The following LRP6 variants were observed in gnomAD, a reference collection of about 807,000 sequenced individuals.
The protein encoded by LRP6 is low-density lipoprotein receptor-related protein 6.
Under a neutral mutation model 184.1 loss-of-function variants are expected in LRP6, and 43 were observed. That is an observed-to-expected ratio of 0.23 (90% CI 0.18 to 0.30). The LOEUF (loss-of-function observed/expected upper bound fraction) is 0.30, where lower values mean the gene tolerates loss of function less well. Ranked by LOEUF, LRP6 falls within the 10% of genes least tolerant of loss-of-function variation. The probability of loss-of-function intolerance (pLI) is 1.00; values close to 1 mark genes in which losing one functional copy is unlikely to be tolerated. For synonymous variants in LRP6, 719 were observed against 684.9 expected (o/e 1.05, Z -0.78); for missense variants, 1,571 against 2,005.3 (o/e 0.78, Z 4.14).
intron 2 of LRP6, among the ~76,000 whole-genome samples, chr12:12,218,256 T>C (rs1165475715): frequency 2.0e-5 from 3 of 152,104 alleles, no homozygotes; most frequent in East Asian, 1.9e-4. Flanking sequence ...GAGGACCACT[T>C]GAGTCCAGGA....
rs756654215 is a variant in LRP6, at chr12:12,186,999, C to G, written c.768G>C (p.Glu256Asp). The change falls in exon 4 of 23, where the codon GAG becomes GAC. Residue 256 changes from glutamate to aspartate, a missense_variant. Physicochemically the swap from Glu to Asp is conservative, Grantham distance 45 (BLOSUM62 2). This residue lies in a region of LRP6 where 640 missense variants were observed against 851.9 expected (regional missense o/e 0.75). Coordinates refer to ENST00000261349, the MANE Select transcript of LRP6 (RefSeq NM_002336.3). ...SILACNKYTG[E>D]GLREIHSDIF... ...TGTCAGAATGGATTTCACGCAGACCCTCACCAGTATACTTGTTGCAAGCCA... is the reference window on the plus strand; with the variant it reads ...TGTCAGAATGGATTTCACGCAGACCGTCACCAGTATACTTGTTGCAAGCCA... 6.2e-7 allele frequency: 1 copy of G among 1,614,046 alleles called. No homozygotes were observed. The highest frequency in any genetic ancestry group is 8.5e-7 in the Non-Finnish European group (1 of 1,180,034).
intron 12 of LRP6, among the ~76,000 whole-genome samples, chr12:12,156,433 G>A (rs1279100550): frequency 6.6e-6 from 1 of 152,188 alleles, no homozygotes; most frequent in Non-Finnish European, 1.5e-5. Context: ...GAGTGGTGGG[G>A]AGTGAGAGTG....
chr12:12,223,904 T>C (rs1864550468), intron 2 of LRP6, among the ~76,000 whole-genome samples: 1 of 152,194 alleles, frequency 6.6e-6, no homozygotes, highest in African/African-American at 2.4e-5. Context: ...CTTAACTGTT[T>C]AGTATACATT....
intron 7 of LRP6, among the ~76,000 whole-genome samples, chr12:12,172,668 G>T (rs1034586711): frequency 1.3e-5 from 2 of 152,222 alleles, no homozygotes; most frequent in Non-Finnish European, 2.9e-5. Context: ...AAGGAAGACA[G>T]ATATGACTGA....
intron 1 of LRP6, among the ~76,000 whole-genome samples, chr12:12,256,853 A>C (rs755260540): frequency 1.3e-5 from 2 of 152,146 alleles, no homozygotes; most frequent in Non-Finnish European, 2.9e-5. Context: ...ATTCAGAAAT[A>C]ATTTCTCAAG....
chr12:12,242,436 G>C (rs909577367), intron 2 of LRP6, among the ~76,000 whole-genome samples: 1 of 152,020 alleles, frequency 6.6e-6, no homozygotes, highest in African/African-American at 2.4e-5. Flanking sequence ...AAGAAGAGGG[G>C]AAAAAAGAAC....
chr12:12,147,752 G>A (rs998308275), intron 14 of LRP6, among the ~76,000 whole-genome samples, 196 bp from the exon 15 acceptor site: 8 of 152,032 alleles, frequency 5.3e-5, no homozygotes, highest in African/African-American at 1.9e-4. Flanking sequence ...CGGGGGTATT[G>A]CTTAAGCTTA....
In LRP6 at chr12:12,201,102, T is replaced by C. The variant is rs572783850; in HGVS notation, c.647+2101A>G. ...AATTCATTCCTCTGTTGTTTTCACA[T>C]AATGTTCAAAAACCTAGTAGCTTGC... On this transcript the variant is annotated intron_variant, in intron 3 of 22. Coordinates refer to ENST00000261349, the MANE Select transcript of LRP6 (RefSeq NM_002336.3). 1.7e-3 allele frequency among the ~76,000 whole-genome samples: 253 copies of C among 152,340 alleles called. 3 individuals carry two copies. In the South Asian group the frequency reaches 0.02, roughly 12 times the overall value.
chr12:12,158,867 G>A lies in LRP6; in HGVS notation c.2753C>T (p.Ala918Val). Residue 918 changes from alanine to valine, a missense_variant, in exon 12 of 23, where the codon GCC (alanine) becomes GTC (valine). Physicochemically the swap from Ala to Val is moderately conservative, Grantham distance 64. This residue lies in a region of LRP6 where 158 missense variants were observed against 258.4 expected (regional missense o/e 0.61). Coordinates refer to ENST00000261349, the MANE Select transcript of LRP6 (RefSeq NM_002336.3). Reference sequence around the variant, plus strand: ...GTTGTCAGCATTAAGAGAGTAGTGGGCAGGGCATCCACAAACAAAACCCCC... The same window carrying A: ...GTTGTCAGCATTAAGAGAGTAGTGGACAGGGCATCCACAAACAAAACCCCC... The part of the protein sequence containing the change: ...PVGGFVCGCP[A>V]HYSLNADNRT... The A allele has an allele frequency of 6.2e-7, 1 of 1,614,132 alleles. No homozygotes were observed. Among genetic ancestry groups the A allele is most frequent in the South Asian group, 1.1e-5 (1 of 91,068 alleles).
intron 2 of LRP6, among the ~76,000 whole-genome samples, chr12:12,205,382 G>T (rs543135029): frequency 7.9e-6 from 1 of 126,896 alleles, no homozygotes; most frequent in African/African-American, 3.0e-5. Context: ...CTATGAAACA[G>T]ATCAGGCACT....
At chr12:12,125,727 G>A (rs967483761) in intron 20 of LRP6, among the ~76,000 whole-genome samples, 1 of 152,120 alleles carries the variant, frequency 6.6e-6, no homozygotes, top group Non-Finnish European at 1.5e-5. Context: ...TCAACCTCTT[G>A]GAGGATTTGA....
chr12:12,192,712 C>T (rs921233156), intron 3 of LRP6, among the ~76,000 whole-genome samples: 1 of 151,768 alleles, frequency 6.6e-6, no homozygotes, highest in African/African-American at 2.4e-5. Flanking sequence ...CATACAGGTA[C>T]CTAAAAACAG....
intron 1 of LRP6, among the ~76,000 whole-genome samples, chr12:12,250,552 TAA>T (rs1865300944): frequency 6.6e-6 from 1 of 152,014 alleles, no homozygotes; most frequent in South Asian, 2.1e-4. Context: ...CCATACCTTA[TAA>T]CTAATTTTAT....
chr12:12,202,411 C>T (rs751268821), intron 3 of LRP6, among the ~76,000 whole-genome samples: 7 of 152,164 alleles, frequency 4.6e-5, no homozygotes, highest in Non-Finnish European at 7.3e-5. Flanking sequence ...GGTGTGATGG[C>T]GTGTGCCTAT....
intron 2 of LRP6, among the ~76,000 whole-genome samples, chr12:12,239,171 A>T (rs747988362): frequency 4.6e-5 from 7 of 152,198 alleles, no homozygotes; most frequent in Admixed American, 2.0e-4. Context: ...AATTTAACAG[A>T]ACATCCTTCA....
In LRP6 at chr12:12,184,036, T is replaced by C. The variant is rs777057583; in HGVS notation, c.920A>G (p.Gln307Arg). 7.8e-5 allele frequency: 126 copies of C among 1,613,446 alleles called. 2 individuals are homozygous for C. The South Asian group carries it at 1.3e-3, about 16-fold the overall frequency. The change falls in exon 5 of 23, where the codon CAG becomes CGG. Residue 307 changes from glutamine to arginine, a missense_variant. This residue lies in a region of LRP6 where 640 missense variants were observed against 851.9 expected (regional missense o/e 0.75). Transcript: ENST00000261349. ...TTTGACCCCAGTGGGGCAAGCACAC[T>C]GATAAAAAGGCTTGACTGGAGACAT... ...CLMSPVKPFY[Q>R]CACPTGVKLL...
At position 12,262,374 on chromosome 12, in the gene LRP6, G is replaced by A. The variant is rs112604459; in HGVS notation, c.55+4307C>T. Among the ~76,000 whole-genome samples the A allele has an allele frequency of 5.7e-3, 864 of 151,870 alleles. 5 individuals carry two copies. Among genetic ancestry groups the A allele is most frequent in the Non-Finnish European group, 7.7e-3 (525 of 67,946 alleles). On this transcript the variant is annotated intron_variant, in intron 1 of 22. Coordinates refer to ENST00000261349, the MANE Select transcript of LRP6 (RefSeq NM_002336.3). ...AGCCTGGGCGACAGGGTGAGATACC[G>A]TCTCAAAAACCAAAAAAATACAAAA... is the stretch of plus-strand genomic sequence containing the variant.
rs180946803 is a variant in LRP6, at chr12:12,210,422, T to C, written c.450-7022A>G. Among the ~76,000 whole-genome samples, 224 of 152,322 alleles carry C rather than the reference T, an allele frequency of 1.5e-3. 1 individual carries two copies. The highest frequency in any genetic ancestry group is 4.9e-3 in the African/African-American group (202 of 41,570). ...GATGAATTGAAGCATCCTCACCTCATTGTTTTTCCTTCTGTATCCAGACCA... is the reference window on the plus strand; with the variant it reads ...GATGAATTGAAGCATCCTCACCTCACTGTTTTTCCTTCTGTATCCAGACCA... On this transcript the variant is annotated intron_variant, in intron 2 of 22. Transcript: ENST00000261349.
In LRP6 at chr12:12,138,441, T is replaced by C. The variant is rs1358082106; in HGVS notation, c.3491A>G (p.Gln1164Arg). 1 of 1,614,026 alleles carries C rather than the reference T, an allele frequency of 6.2e-7. No individual in the cohort carries two copies. Among genetic ancestry groups the C allele is most frequent in the African/African-American group, 1.3e-5 (1 of 74,924 alleles). Residue 1164 changes from glutamine to arginine, a missense_variant, in exon 16 of 23, where the codon CAG (glutamine) becomes CGG (arginine). Transcript: ENST00000261349. ...CATGTCAATTTTTTCAATCATTTGCTGCTGTTTATCAATCCAATAGAGCCA... is the reference window on the plus strand; with the variant it reads ...CATGTCAATTTTTTCAATCATTTGCCGCTGTTTATCAATCCAATAGAGCCA... ...ENWLYWIDKQ[Q>R]QMIEKIDMTG...
Sources: allele counts gnomAD v4.1 joint callset (sites outside exome capture counted in the v4.1 genomes callset), GRCh38; gene constraint gnomAD v4.1.1; regional missense constraint gnomAD v4.1.1; transcripts MANE v1.5; gene names NCBI Gene and HGNC (gene_info 2026-07-23, HGNC 2026-07-21).